Variants in DENND6A observed in about 807,000 individuals in gnomAD.
The protein encoded by DENND6A is protein DENND6A.
DENND6A carries 43 observed loss-of-function variants against 95.5 expected under a neutral mutation model. The ratio of observed to expected loss-of-function variants is 0.45; its 90% CI spans 0.35 to 0.58. DENND6A has a LOEUF of 0.58. DENND6A is among the 20% of genes least tolerant of loss of function. The probability of loss-of-function intolerance (pLI) is 0.00; values close to 1 mark genes in which losing one functional copy is unlikely to be tolerated. For synonymous variants in DENND6A, 257 were observed against 260.4 expected, an observed-to-expected ratio of 0.99 and a Z score of 0.13; for missense variants, 574 against 736.0, an observed-to-expected ratio of 0.78 and a Z score of 2.55.
At position 57,658,510 on chromosome 3, in the gene DENND6A, A is replaced by G. The variant is rs763402576; in HGVS notation, c.762+608T>C. ...GCCACCGTACTCCAGCCTGGGAGAC[A>G]GAGGGAGACCCTGTCCTTGTTTAAG... On this transcript the variant is annotated intron_variant, in intron 8 of 19. Transcript: ENST00000311128. 6.4e-4 allele frequency among the ~76,000 whole-genome samples: 97 copies of G among 152,348 alleles called. 3 individuals are homozygous for G. The highest frequency in any genetic ancestry group is 3.4e-3 in the Middle Eastern group (1 of 294).
intron 1 of DENND6A, among the ~76,000 whole-genome samples, chr3:57,674,450 G>GTA (rs2071675726): frequency 1.3e-5 from 2 of 151,768 alleles, no homozygotes; most frequent in African/African-American, 4.8e-5. Flanking sequence ...GGCCAACAAG[G>GTA]TAAAACCCCA....
chr3:57,637,873 C>T (rs149993218), intron 12 of DENND6A, among the ~76,000 whole-genome samples: 55 of 151,446 alleles, frequency 3.6e-4, no homozygotes, highest in African/African-American at 1.2e-3. Flanking sequence ...CAGTGGCTCA[C>T]GCTTGTAACC....
chr3:57,680,617 G>C (rs1489981826), intron 1 of DENND6A, among the ~76,000 whole-genome samples: 2 of 152,194 alleles, frequency 1.3e-5, no homozygotes, highest in Non-Finnish European at 2.9e-5. Flanking sequence ...GTGGTATTTT[G>C]TGAGAAGCCT....
intron 1 of DENND6A, among the ~76,000 whole-genome samples, chr3:57,683,273 T>G (rs1175944099): frequency 6.6e-6 from 1 of 152,212 alleles, no homozygotes; most frequent in Non-Finnish European, 1.5e-5. Flanking sequence ...TATTTCATTA[T>G]TTCAGAAAAA....
rs1414149704 is a variant in DENND6A at position 57,625,745 on chromosome 3, A to G, written c.*2469T>C. 1.3e-5 allele frequency: 2 copies of G among 152,482 alleles called. No homozygotes were observed. The highest frequency in any genetic ancestry group is 2.9e-5 in the Non-Finnish European group (2 of 68,046). The allele number at this position is 152,482 out of a possible 1,614,324, so 9.4% of individuals were successfully genotyped here. A position where few individuals can be genotyped will look rare whatever the true frequency, so the allele number is the denominator to read the frequency against. ...ATCATTTTTACAAGTACATAGTTTG[A>G]AATTAAGAGATAAACTAGGTATGAT... On this transcript the variant is annotated 3_prime_UTR_variant, in exon 20 of 20. Coordinates refer to ENST00000311128, the MANE Select transcript of DENND6A (RefSeq NM_152678.3).
intron 1 of DENND6A, among the ~76,000 whole-genome samples, chr3:57,680,551 G>C (rs1303750242): frequency 3.3e-5 from 5 of 152,210 alleles, no homozygotes; most frequent in Non-Finnish European, 7.3e-5. Context: ...TCTTGGACTT[G>C]TGAGCCTCCA....
At chr3:57,682,603 A>G (rs530744738) in intron 1 of DENND6A, among the ~76,000 whole-genome samples, 2 of 152,238 alleles carry the variant, frequency 1.3e-5, no homozygotes, top group East Asian at 3.9e-4. Flanking sequence ...GCAACCCTTA[A>G]GGTTCAAATC....
At chr3:57,680,000 G>A (rs2077148730) in intron 1 of DENND6A, among the ~76,000 whole-genome samples, 1 of 152,196 alleles carries the variant, frequency 6.6e-6, no homozygotes, top group Non-Finnish European at 1.5e-5. Flanking sequence ...AGCAGCAGCA[G>A]CAGTGGGAAC....
At chr3:57,689,970 G>C (rs1266797164) in intron 1 of DENND6A, among the ~76,000 whole-genome samples, 3 of 151,382 alleles carry the variant, frequency 2.0e-5, no homozygotes, top group African/African-American at 7.3e-5. Context: ...AGGATCCCTC[G>C]AGTTTAGGAG....
intron 1 of DENND6A, among the ~76,000 whole-genome samples, chr3:57,682,763 A>C (rs1468583119): frequency 6.6e-6 from 1 of 151,970 alleles, no homozygotes; most frequent in African/African-American, 2.4e-5. Context: ...GCAACCTCCA[A>C]CTCCCAAGTT....
At position 57,628,796 on chromosome 3, in the gene DENND6A, G is replaced by C. The variant is rs748266949; in HGVS notation, c.1695+15C>G. 3 of 1,606,402 alleles carry C rather than the reference G, an allele frequency of 1.9e-6. No homozygotes were observed. Among genetic ancestry groups the C allele is most frequent in the Non-Finnish European group, 2.5e-6 (3 of 1,177,820 alleles). On this transcript the variant is annotated intron_variant, in intron 19 of 19. Coordinates refer to ENST00000311128, the MANE Select transcript of DENND6A (RefSeq NM_152678.3). ...AGAAAAGTCAATTTAATCTTTGGCT[G>C]TTTTGGCTACATACCAGCTTATTTT... is the stretch of plus-strand genomic sequence containing the variant.
At chr3:57,664,630 C>T (rs2071497224) in intron 4 of DENND6A, among the ~76,000 whole-genome samples, 1 of 152,042 alleles carries the variant, frequency 6.6e-6, no homozygotes, top group African/African-American at 2.4e-5. Context: ...GTCAGGAGAT[C>T]AAGACCATCC....
chr3:57,660,618 G>C lies in DENND6A; in HGVS notation c.699+142C>G, dbSNP rs902009731. On this transcript the variant is annotated intron_variant, in intron 7 of 19. Coordinates refer to ENST00000311128, the MANE Select transcript of DENND6A (RefSeq NM_152678.3). ...GGCTACTTGTGGGGCTGAAGTGGGA[G>C]GATTGCTTGAGCCCGGAAAGTTGAG... 6 of 589,724 alleles carry C rather than the reference G, an allele frequency of 1.0e-5. No individual in the cohort carries two copies. The African/African-American group carries it at 1.2e-4, about 12-fold the overall frequency. The allele number at this position is 589,724 out of a possible 1,614,324, so 36.5% of individuals were successfully genotyped here. A position where few individuals can be genotyped will look rare whatever the true frequency, so the allele number is the denominator to read the frequency against.
rs567094953 is a variant in DENND6A, at chr3:57,678,095, C to CT, written c.238-5658dup. On this transcript the variant is annotated intron_variant, in intron 1 of 19. Coordinates refer to ENST00000311128, the MANE Select transcript of DENND6A (RefSeq NM_152678.3). Reference sequence around the variant, plus strand: ...TTAGCCATTCCTAAAGGAAATGATTCTTTTTTAAAAAAAAGAACTTTCTGT... The same window carrying CT: ...TTAGCCATTCCTAAAGGAAATGATTCTTTTTTTAAAAAAAAGAACTTTCTGT... Among the ~76,000 whole-genome samples the CT allele has an allele frequency of 4.1e-3, 619 of 152,080 alleles. 6 individuals carry two copies. Among genetic ancestry groups the CT allele is most frequent in the African/African-American group, 0.014 (601 of 41,520 alleles).
intron 9 of DENND6A, among the ~76,000 whole-genome samples, chr3:57,657,097 T>C (rs1000860945): frequency 1.3e-5 from 2 of 152,242 alleles, no homozygotes; most frequent in Non-Finnish European, 2.9e-5. Context: ...GAACTAGAAC[T>C]TGGGTACCAA....
intron 15 of DENND6A, among the ~76,000 whole-genome samples, chr3:57,632,650 T>A (rs372631893): frequency 6.6e-6 from 1 of 152,360 alleles, no homozygotes. Flanking sequence ...TTTATATTAA[T>A]AACTGCAAAA....
chr3:57,692,003 G>T (rs969713422), intron 1 of DENND6A, among the ~76,000 whole-genome samples: 4 of 151,912 alleles, frequency 2.6e-5, no homozygotes, highest in African/African-American at 7.3e-5. Context: ...AGGCCTAGGC[G>T]GGCAGACCAC....
chr3:57,678,892 G>A (rs2077133511), intron 1 of DENND6A, among the ~76,000 whole-genome samples: 1 of 152,222 alleles, frequency 6.6e-6, no homozygotes, highest in Non-Finnish European at 1.5e-5. Flanking sequence ...TAGATTACTT[G>A]AGGCCAGGAG....
chr3:57,673,319 G>C (rs2071653036), intron 1 of DENND6A, among the ~76,000 whole-genome samples: 1 of 150,484 alleles, frequency 6.6e-6, no homozygotes, highest in Non-Finnish European at 1.5e-5. Flanking sequence ...GCCAGGCACA[G>C]AAAGACAAAT....
Sources: gnomAD v4.1 joint callset for allele counts (sites outside exome capture counted in the v4.1 genomes callset) on GRCh38, gnomAD v4.1.1 for gene constraint, MANE v1.5 for transcripts, NCBI Gene and HGNC (gene_info 2026-07-23, HGNC 2026-07-21) for gene names.